Variants in GRAMD1B observed in about 807,000 individuals in gnomAD.
GRAMD1B encodes GRAM domain containing 1B.
GRAMD1B carries 37 observed loss-of-function variants against 99.7 expected under a neutral mutation model. The observed-to-expected ratio is 0.37, with a 90% CI of 0.29 to 0.49. The LOEUF (loss-of-function observed/expected upper bound fraction) is 0.49. Among genes scored for constraint, GRAMD1B ranks in the 20% least tolerant of loss-of-function variants. GRAMD1B has a pLI of 0.98. For synonymous variants in GRAMD1B, 427 were observed against 387.6 expected, an observed-to-expected ratio of 1.10 and a Z score of -1.19; for missense variants, 888 against 1,009.2, an observed-to-expected ratio of 0.88 and a Z score of 1.63.
chr11:123,595,306 A>G (rs758287122), intron 6 of GRAMD1B, among the ~76,000 whole-genome samples: 6 of 149,632 alleles, frequency 4.0e-5, no homozygotes, highest in Non-Finnish European at 8.9e-5. Context: ...TTTTAAACAG[A>G]GTTTCACTCT....
intron 2 of GRAMD1B, chr11:123,560,487 C>T: frequency 1.6e-6 from 2 of 1,230,796 alleles, no homozygotes; most frequent in South Asian, 1.4e-5. Context: ...GGCCCGAGTC[C>T]CCTCCCCCGT....
At chr11:123,604,573 A>G (rs529914652) in intron 9 of GRAMD1B, among the ~76,000 whole-genome samples, 29 of 152,322 alleles carry the variant, frequency 1.9e-4, no homozygotes, top group African/African-American at 7.0e-4. Context: ...AAAAGCAAGA[A>G]AAGAACATTG....
chr11:123,368,187 G>A (rs1336816331), intron 1 of GRAMD1B, among the ~76,000 whole-genome samples: 1 of 150,066 alleles, frequency 6.7e-6, no homozygotes, highest in East Asian at 2.0e-4. Context: ...CCAGGAGGTG[G>A]AGGTTGCAGT....
At chr11:123,574,009 G>A (rs868851430) in intron 2 of GRAMD1B, among the ~76,000 whole-genome samples, 8 of 151,810 alleles carry the variant, frequency 5.3e-5, no homozygotes, top group African/African-American at 1.9e-4. Flanking sequence ...CAGCTCCAAG[G>A]TGGAGATTTA....
chr11:123,530,908 T>A (rs77179347), intron 2 of GRAMD1B, among the ~76,000 whole-genome samples: 3,017 of 152,250 alleles, frequency 0.02, 88 homozygotes, highest in African/African-American at 0.068. Context: ...AGGTAACTTC[T>A]GTTTGCCTTG....
chr11:123,591,174 C>G lies in GRAMD1B; in HGVS notation c.685-2908C>G. On this transcript the variant is annotated intron_variant, in intron 4 of 19. Coordinates refer to ENST00000635736, the MANE Select transcript of GRAMD1B (RefSeq NM_001387025.1). The surrounding 1 kb of genome is among the most constrained non-coding windows in gnomAD (Gnocchi z 4.7). Reference sequence around the variant, plus strand: ...GCTGGCCAGCTTGTCCTGAGAACCACGCTGACCACCTCGGCTCACTTGTGA... The same window carrying G: ...GCTGGCCAGCTTGTCCTGAGAACCAGGCTGACCACCTCGGCTCACTTGTGA... 8.3e-6 allele frequency: 3 copies of G among 361,828 alleles called. No individual in the cohort carries two copies. The highest frequency in any genetic ancestry group is 1.5e-5 in the Non-Finnish European group (3 of 203,060). 22.4% of individuals were successfully genotyped at this position (361,828 alleles called of 1,614,324 possible).
intron 1 of GRAMD1B, among the ~76,000 whole-genome samples, chr11:123,401,643 T>A (rs7128725): frequency 0.025 from 3,841 of 152,276 alleles, 102 homozygotes; most frequent in African/African-American, 0.062. Context: ...CCAGGTTTAA[T>A]ATTTAGTGTG....
rs1319880511 is a variant in GRAMD1B, at chr11:123,386,041, G to T, written c.-176+27242G>T. ...AAGAGAACATCATATGTATAGGCTT[G>T]GAAGTTTGACAGATTTGAGTTGGAA... On this transcript the variant is annotated intron_variant, in intron 1 of 20. Coordinates refer to the GRAMD1B transcript ENST00000638157. 2.6e-5 allele frequency among the ~76,000 whole-genome samples: 4 copies of T among 152,142 alleles called. No homozygotes were observed. In the South Asian group the frequency reaches 6.2e-4, roughly 24 times the overall value.
At chr11:123,569,672 G>A (rs1295858980) in intron 2 of GRAMD1B, among the ~76,000 whole-genome samples, 1 of 152,226 alleles carries the variant, frequency 6.6e-6, no homozygotes, top group Non-Finnish European at 1.5e-5. Context: ...ATTCGAAGGG[G>A]AGTTGGCTAA....
intron 9 of GRAMD1B, 73 bp downstream of exon 9, chr11:123,603,614 G>A (rs576754047): frequency 1.2e-6 from 1 of 840,886 alleles, no homozygotes; most frequent in East Asian, 2.5e-5. Flanking sequence ...CCAGGCAGAG[G>A]GAACAGCACA....
intron 1 of GRAMD1B, among the ~76,000 whole-genome samples, chr11:123,455,043 AT>A (rs1950050955): frequency 6.6e-6 from 1 of 152,198 alleles, no homozygotes; most frequent in Non-Finnish European, 1.5e-5. Context: ...GTGATGTTTT[AT>A]CCCCATCAAC....
intron 16 of GRAMD1B, 49 bp downstream of exon 16, chr11:123,613,707 G>A (rs1330927421): frequency 2.8e-5 from 39 of 1,408,718 alleles, no homozygotes; most frequent in Non-Finnish European, 3.9e-5. Flanking sequence ...TTGGGCTGGA[G>A]CTGCATGCCC....
At chr11:123,422,165 G>C (rs941627742) in intron 1 of GRAMD1B, among the ~76,000 whole-genome samples, 1 of 152,096 alleles carries the variant, frequency 6.6e-6, no homozygotes, top group South Asian at 2.1e-4. Flanking sequence ...AGAGGGATGT[G>C]GGGGGGATAC....
In GRAMD1B at chr11:123,581,886, A is replaced by G. The variant is rs190597773; in HGVS notation, c.664-2426A>G. The stretch of plus-strand genomic sequence containing the variant: ...ATGTGCCAGCCCATGCAAAGGGACC[A>G]TCTGCTTCTGTCTACCTGGGGCAGG... On this transcript the variant is annotated intron_variant, in intron 3 of 19. Transcript: ENST00000635736. Among the ~76,000 whole-genome samples the G allele has an allele frequency of 3.1e-3, 473 of 152,364 alleles. 5 individuals are homozygous for G. Among genetic ancestry groups the G allele is most frequent in the Admixed American group, 0.013 (193 of 15,306 alleles).
At chr11:123,425,506 T>C (rs1251097650), upstream of GRAMD1B, among the ~76,000 whole-genome samples, 1 of 152,186 alleles carries the variant, frequency 6.6e-6, no homozygotes, top group Non-Finnish European at 1.5e-5. Flanking sequence ...CGCCTAAGCC[T>C]TTTGATGAGC....
At chr11:123,390,177 A>G (rs1258537958) in intron 1 of GRAMD1B, among the ~76,000 whole-genome samples, 3 of 152,078 alleles carry the variant, frequency 2.0e-5, no homozygotes, top group African/African-American at 7.2e-5. Context: ...TGACTTGGAA[A>G]GAACCTCAAA....
intron 1 of GRAMD1B, among the ~76,000 whole-genome samples, chr11:123,414,047 ATT>A (rs780726855): frequency 5.6e-5 from 8 of 142,662 alleles, no homozygotes; most frequent in Admixed American, 7.0e-5. Flanking sequence ...CATCATCATC[ATT>A]TTTTTTTTTT....
At position 123,431,065 on chromosome 11, in the gene GRAMD1B, G is replaced by A. The variant is rs750911598; in HGVS notation, c.273G>A (p.Pro91=). Residue 91 remains proline, a synonymous_variant, in exon 1 of 20, where the codon CCG becomes CCA. Transcript: ENST00000635736. ...EITPSSDEDT[P]WSNCSTPSAS... is the part of the protein sequence containing the mutation. ...CGCCCTCCAGCGACGAGGACACCCC[G>A]TGGTCCAACTGCTCCACACCCAGCG... 1 of 702,872 alleles carries A rather than the reference G, an allele frequency of 1.4e-6. No homozygotes were observed. The highest frequency in any genetic ancestry group is 1.7e-5 in the African/African-American group (1 of 57,260). 43.5% of individuals were successfully genotyped at this position (702,872 alleles called of 1,614,324 possible).
At chr11:123,385,555 C>T (rs991831965) in intron 1 of GRAMD1B, among the ~76,000 whole-genome samples, 1 of 152,138 alleles carries the variant, frequency 6.6e-6, no homozygotes, top group Non-Finnish European at 1.5e-5. Flanking sequence ...CATATTTATG[C>T]TCTAGGTCTC....
Sources: allele counts gnomAD v4.1 joint callset (sites outside exome capture counted in the v4.1 genomes callset), GRCh38; gene constraint gnomAD v4.1.1; non-coding constraint Gnocchi (gnomAD v3.1); transcripts MANE v1.5; gene names NCBI Gene and HGNC (gene_info 2026-07-23, HGNC 2026-07-21).